KCNMA1: variants seen among roughly 807,000 people sequenced by gnomAD.
KCNMA1 encodes potassium calcium-activated channel subfamily M alpha 1.
KCNMA1 carries 29 observed loss-of-function variants against 140.0 expected under a neutral mutation model. That is an observed-to-expected ratio of 0.21 (90% CI 0.15 to 0.28). The LOEUF (loss-of-function observed/expected upper bound fraction) is 0.28. Ranked by LOEUF, KCNMA1 falls within the 10% of genes least tolerant of loss-of-function variation. The pLI, the probability that KCNMA1 is intolerant of heterozygous loss-of-function variation, is 1.00. For synonymous variants in KCNMA1, 612 were observed against 611.9 expected (o/e 1.00, Z 0.00); for missense variants, 880 against 1,602.2 (o/e 0.55, Z 7.70).
intron 2 of KCNMA1, 135 bp from the exon 3 acceptor site, chr10:77,251,391 T>A: frequency 5.5e-6 from 4 of 723,730 alleles, no homozygotes; most frequent in Non-Finnish European, 1.0e-5. Flanking sequence ...CTCACCCTCA[T>A]CCCCAGCCCC....
chr10:77,063,141 C>T (rs764280040), intron 14 of KCNMA1, among the ~76,000 whole-genome samples: 9 of 152,180 alleles, frequency 5.9e-5, no homozygotes, highest in Admixed American at 1.3e-4. Context: ...CAGCCAGGCA[C>T]GGTGGCTCAT....
intron 14 of KCNMA1, chr10:77,063,982 C>T: frequency 1.0e-6 from 1 of 985,392 alleles, no homozygotes; most frequent in Non-Finnish European, 1.2e-6. Flanking sequence ...GTGTCAGCTT[C>T]TACTGGATTT....
chr10:76,901,623 A>C (rs1000044269), intron 25 of KCNMA1: 1 of 152,226 alleles, frequency 6.6e-6, no homozygotes, highest in Non-Finnish European at 1.5e-5. Context: ...AAATTGTGTG[A>C]AAGTCAAAGA....
intron 1 of KCNMA1, among the ~76,000 whole-genome samples, chr10:77,406,777 T>G (rs912399287): frequency 6.6e-6 from 1 of 152,144 alleles, no homozygotes; most frequent in African/African-American, 2.4e-5. Context: ...GTCCCACATC[T>G]GAGGCTCTAG....
intron 25 of KCNMA1, among the ~76,000 whole-genome samples, chr10:76,898,219 A>G (rs1034923147): frequency 3.9e-5 from 6 of 151,932 alleles, no homozygotes; most frequent in Non-Finnish European, 8.8e-5. Flanking sequence ...GGGAAGAAAA[A>G]AAGTATAGCT....
At chr10:77,117,205 A>G (rs753002843) in intron 6 of KCNMA1, among the ~76,000 whole-genome samples, 8 of 152,114 alleles carry the variant, frequency 5.3e-5, no homozygotes, top group Non-Finnish European at 7.4e-5. Flanking sequence ...ACTTTATCCT[A>G]TGTGATTTTG....
chr10:77,085,433 T>G (rs2096669154), intron 11 of KCNMA1, among the ~76,000 whole-genome samples: 1 of 152,224 alleles, frequency 6.6e-6, no homozygotes, highest in African/African-American at 2.4e-5. Context: ...GCATTTAAAT[T>G]AGGTCCACGA....
intron 3 of KCNMA1, among the ~76,000 whole-genome samples, chr10:77,195,150 T>C (rs966135301): frequency 6.6e-6 from 1 of 152,204 alleles, no homozygotes; most frequent in Non-Finnish European, 1.5e-5. Context: ...AATTATACCT[T>C]TATTGCACAA....
intron 16 of KCNMA1, among the ~76,000 whole-genome samples, chr10:77,021,414 A>G (rs1490312931): frequency 6.6e-6 from 1 of 152,218 alleles, no homozygotes; most frequent in Non-Finnish European, 1.5e-5. Context: ...ACTCTCAGTG[A>G]GCTAGGTGAT....
At chr10:76,979,011 T>C (rs138711129) in intron 19 of KCNMA1, among the ~76,000 whole-genome samples, 2 of 152,326 alleles carry the variant, frequency 1.3e-5, no homozygotes, top group African/African-American at 2.4e-5. Context: ...CCTGAGGTTT[T>C]GGGTCTCCTC....
Position 77,206,326 on chromosome 10 carries a change from G to T in KCNMA1, c.603-21410C>A, listed in dbSNP as rs376774248. Among the ~76,000 whole-genome samples, 146 of 152,250 alleles carry T rather than the reference G, an allele frequency of 9.6e-4. 1 individual carries two copies. The South Asian group carries it at 0.029, about 30-fold the overall frequency. ...TTTGAAAAAAATGTGTCAACCTGAC[G>T]TTGGATTCATTGTTTTTCTATTTAG... On this transcript the variant is annotated intron_variant, in intron 3 of 27. Coordinates refer to ENST00000286628, the MANE Select transcript of KCNMA1 (RefSeq NM_001161352.2).
At chr10:77,443,229 C>A (rs1175715957) in intron 1 of KCNMA1, among the ~76,000 whole-genome samples, 1 of 152,176 alleles carries the variant, frequency 6.6e-6, no homozygotes, top group Non-Finnish European at 1.5e-5. Context: ...GAAAGCTTTT[C>A]TCAGTGGTCC....
chr10:76,914,010 A>G, intron 24 of KCNMA1: 1 of 1,400,732 alleles, frequency 7.1e-7, no homozygotes, highest in Non-Finnish European at 9.9e-7. Context: ...AACACCAACA[A>G]CAGAACAAAA....
intron 3 of KCNMA1, among the ~76,000 whole-genome samples, chr10:77,203,037 CACT>C (rs1357892086): frequency 6.6e-6 from 1 of 152,204 alleles, no homozygotes; most frequent in East Asian, 1.9e-4. Flanking sequence ...GAAGATGTGT[CACT>C]GCTGTTAACC....
rs1198557736 is a variant in KCNMA1, at chr10:77,460,740, A to G, written c.379-56717T>C. Among the ~76,000 whole-genome samples the G allele has an allele frequency of 2.2e-4, 34 of 152,166 alleles. 2 individuals are homozygous for G. Among genetic ancestry groups the G allele is most frequent in the Admixed American group, 2.2e-3 (34 of 15,284 alleles). On this transcript the variant is annotated intron_variant, in intron 1 of 27. Transcript: ENST00000286628. ...TAAGTGGGAGCTAAACTGAGTACAC[A>G]TGGACATACAGAATGGAATAATAAT...
At chr10:77,058,933 G>A (rs576478490) in intron 14 of KCNMA1, among the ~76,000 whole-genome samples, 9 of 151,686 alleles carry the variant, frequency 5.9e-5, no homozygotes, top group South Asian at 2.1e-4. Flanking sequence ...AACCAAAGCC[G>A]ATTATTTAAC....
chr10:77,403,759 C>G, intron 2 of KCNMA1, 103 bp downstream of exon 2: 1 of 1,218,912 alleles, frequency 8.2e-7, no homozygotes, highest in East Asian at 2.4e-5. Context: ...TCCCAATAGC[C>G]AGCCTCCTGC....
intron 3 of KCNMA1, among the ~76,000 whole-genome samples, chr10:77,206,966 C>G (rs1366781291): frequency 6.6e-6 from 1 of 152,040 alleles, no homozygotes; most frequent in Non-Finnish European, 1.5e-5. Context: ...TTTGTACTCA[C>G]AAAAAGGATT....
chr10:77,588,881 A>C (rs1192921021), intron 1 of KCNMA1, among the ~76,000 whole-genome samples: 1 of 152,234 alleles, frequency 6.6e-6, no homozygotes, highest in Non-Finnish European at 1.5e-5. Context: ...AGAAGCAGCA[A>C]GATAAACGGA....
Sources: gnomAD v4.1 joint callset for allele counts (sites outside exome capture counted in the v4.1 genomes callset) on GRCh38, gnomAD v4.1.1 for gene constraint, MANE v1.5 for transcripts, NCBI Gene and HGNC (gene_info 2026-07-23, HGNC 2026-07-21) for gene names.